Variants in PCDHGC4 observed in about 807,000 individuals in gnomAD.
PCDHGC4 encodes protocadherin gamma-C4.
A neutral mutation model predicts 59.7 loss-of-function variants in PCDHGC4; 15 were observed. The ratio of observed to expected loss-of-function variants is 0.25; its 90% CI spans 0.17 to 0.39. PCDHGC4 has a LOEUF of 0.39. Ranked by LOEUF, PCDHGC4 falls within the 10% of genes least tolerant of loss-of-function variation. The pLI is 1.00. For missense variants in PCDHGC4, 1,016 were observed against 1,189.5 expected, an observed-to-expected ratio of 0.85 and a Z score of 2.15; for synonymous variants, 434 against 481.4, an observed-to-expected ratio of 0.90 and a Z score of 1.29.
Position 141,510,982 on chromosome 5 carries a change from G to A in PCDHGC4, c.2626G>A (p.Ala876Thr). The A allele has an allele frequency of 3.1e-6, 5 of 1,614,166 alleles. No homozygotes were observed. Among genetic ancestry groups the A allele is most frequent in the Non-Finnish European group, 3.4e-6 (4 of 1,180,018 alleles). Reference protein sequence around the residue: ...ADGSSTLGGGAGTMGLSARYG... With the variant: ...ADGSSTLGGGTGTMGLSARYG... Reference sequence around the variant, plus strand: ...TGGGAGCTCCACCCTGGGAGGGGGTGCCGGCACCATGGGATTGAGCGCCCG... The same window carrying A: ...TGGGAGCTCCACCCTGGGAGGGGGTACCGGCACCATGGGATTGAGCGCCCG... The change falls in exon 4 of 4, where the codon GCC (alanine) becomes ACC (threonine). Residue 876 changes from alanine to threonine, a missense_variant. Coordinates refer to ENST00000306593, the MANE Select transcript of PCDHGC4 (RefSeq NM_018928.3).
Position 141,491,405 on chromosome 5 carries a change from A to C in PCDHGC4, c.2443-3402A>C. 6.2e-7 allele frequency: 1 copy of C among 1,614,096 alleles called. No individual in the cohort carries two copies. Among genetic ancestry groups the C allele is most frequent in the Non-Finnish European group, 8.5e-7 (1 of 1,179,998 alleles). On this transcript the variant is annotated intron_variant, in intron 1 of 3. Coordinates refer to ENST00000306593, the MANE Select transcript of PCDHGC4 (RefSeq NM_018928.3). This position sits in a 1 kb window ranked among gnomAD's most constrained non-coding sequence, Gnocchi z 6.9. ...GCGAAGTGCCTTCAGGGAAACGCAG[A>C]CGGGGACGGGGGTGGAGGGCAGTGC... is the stretch of plus-strand genomic sequence containing the variant.
At chr5:141,510,653 T>G (rs1388568365) in intron 3 of PCDHGC4, among the ~76,000 whole-genome samples, 1 of 152,184 alleles carries the variant, frequency 6.6e-6, no homozygotes, top group Non-Finnish European at 1.5e-5. Context: ...ATCCCCATTT[T>G]GCAGATGAGA....
At chr5:141,492,256 A>G (rs1323720621) in intron 1 of PCDHGC4, among the ~76,000 whole-genome samples, 1 of 151,974 alleles carries the variant, frequency 6.6e-6, no homozygotes, top group Non-Finnish European at 1.5e-5. Context: ...CGGCCCACAC[A>G]AGTTGCACGG....
chr5:141,489,096 ACT>A lies in PCDHGC4; in HGVS notation c.2442+1482_2442+1483del. The A allele has an allele frequency of 2.0e-6, 1 of 494,278 alleles. No individual in the cohort carries two copies. The allele number at this position is 494,278 out of a possible 1,614,324, so 30.6% of individuals were successfully genotyped here. A position where few individuals can be genotyped will look rare whatever the true frequency, so the allele number is the denominator to read the frequency against. ...CACCCCCGCCACTCGGTGACTAAGA[ACT>A]GCTGCAAGCAGGCAAACCTCCGAGC... On this transcript the variant is annotated intron_variant, in intron 1 of 3. Coordinates refer to ENST00000306593, the MANE Select transcript of PCDHGC4 (RefSeq NM_018928.3). The surrounding 1 kb of genome is among the most constrained non-coding windows in gnomAD (Gnocchi z 4.5).
chr5:141,508,723 G>A (rs941469412), intron 3 of PCDHGC4, among the ~76,000 whole-genome samples: 2 of 151,814 alleles, frequency 1.3e-5, no homozygotes, highest in African/African-American at 4.8e-5. Context: ...TGTGTGCAGG[G>A]AGACTACACC....
rs772328241 is a variant in PCDHGC4 at position 141,491,340 on chromosome 5, C to A, written c.2443-3467C>A. On this transcript the variant is annotated intron_variant, in intron 1 of 3. Coordinates refer to ENST00000306593, the MANE Select transcript of PCDHGC4 (RefSeq NM_018928.3). The surrounding 1 kb of genome is among the most constrained non-coding windows in gnomAD (Gnocchi z 6.9). ...TTTACCTCATTGTGGCTCTAGCGACCGTCAGTCTCTTATCCCTAGTCACCT... is the reference window on the plus strand; with the variant it reads ...TTTACCTCATTGTGGCTCTAGCGACAGTCAGTCTCTTATCCCTAGTCACCT... 4.3e-6 allele frequency: 7 copies of A among 1,614,146 alleles called. No homozygotes were observed. Among genetic ancestry groups the A allele is most frequent in the Non-Finnish European group, 5.9e-6 (7 of 1,180,014 alleles).
At chr5:141,500,840 C>G (rs1394248251) in intron 2 of PCDHGC4, among the ~76,000 whole-genome samples, 1 of 151,966 alleles carries the variant, frequency 6.6e-6, no homozygotes, top group Non-Finnish European at 1.5e-5. Context: ...TGCTAATGGG[C>G]TTTTGCTACA....
chr5:141,499,150 T>C (rs1424635509), intron 2 of PCDHGC4, among the ~76,000 whole-genome samples: 5 of 152,180 alleles, frequency 3.3e-5, no homozygotes, highest in Non-Finnish European at 1.5e-5. Context: ...CTGATCCCAA[T>C]AGCTGTTGTC....
Position 141,486,677 on chromosome 5 carries a change from G to A in PCDHGC4, c.1504G>A (p.Val502Ile), listed in dbSNP as rs755512470. ...ACTCCTGGAGCCCAGGAATCGAGATGTATCAGCTTCCTCTTTCATCTCTCT... is the reference window on the plus strand; with the variant it reads ...ACTCCTGGAGCCCAGGAATCGAGATATATCAGCTTCCTCTTTCATCTCTCT... Reference protein sequence around the residue: ...YSLLEPRNRDVSASSFISLNP... With the variant: ...YSLLEPRNRDISASSFISLNP... The change falls in exon 1 of 4, where the codon GTA becomes ATA. Residue 502 changes from valine (V) to isoleucine (I), a missense_variant. Transcript: ENST00000306593. This position sits in a 1 kb window ranked among gnomAD's most constrained non-coding sequence, Gnocchi z 5.0. The A allele has an allele frequency of 3.7e-6, 6 of 1,614,060 alleles. No individual in the cohort carries two copies. Among genetic ancestry groups the A allele is most frequent in the Middle Eastern group, 1.6e-4 (1 of 6,062 alleles).
In PCDHGC4 at chr5:141,490,113, C is replaced by G. The variant is rs2099696295; in HGVS notation, c.2442+2498C>G. Reference sequence around the variant, plus strand: ...ACCACACATCTGAGGCAGTGCGGAACCTCTTTGGCCTAGACCCTAGCAGTG... The same window carrying G: ...ACCACACATCTGAGGCAGTGCGGAAGCTCTTTGGCCTAGACCCTAGCAGTG... On this transcript the variant is annotated intron_variant, in intron 1 of 3. Transcript: ENST00000306593. This position sits in a 1 kb window ranked among gnomAD's most constrained non-coding sequence, Gnocchi z 5.4. 1 of 1,614,258 alleles carries G rather than the reference C, an allele frequency of 6.2e-7. No individual in the cohort carries two copies.
At position 141,487,769 on chromosome 5, in the gene PCDHGC4, T is replaced by C. The variant is rs775270506; in HGVS notation, c.2442+154T>C. Reference sequence around the variant, plus strand: ...TAACTATGTGGTAGACGCTGTGCTTTGTAACTGTTTCGTGAATTAACCAGA... The same window carrying C: ...TAACTATGTGGTAGACGCTGTGCTTCGTAACTGTTTCGTGAATTAACCAGA... On this transcript the variant is annotated intron_variant, in intron 1 of 3. Transcript: ENST00000306593. The surrounding 1 kb of genome is among the most constrained non-coding windows in gnomAD (Gnocchi z 5.0). 8 of 1,538,288 alleles carry C rather than the reference T, an allele frequency of 5.2e-6. No homozygotes were observed. The highest frequency in any genetic ancestry group is 1.2e-5 in the South Asian group (1 of 82,608).
chr5:141,489,151 A>G lies in PCDHGC4; in HGVS notation c.2442+1536A>G. On this transcript the variant is annotated intron_variant, in intron 1 of 3. Transcript: ENST00000306593. This position sits in a 1 kb window ranked among gnomAD's most constrained non-coding sequence, Gnocchi z 4.5. ...TTTTTAAGAGGCTGGAAGGAGACAT[A>G]AGAGACTTCAGCTGCTGCATTCCAA... is the stretch of plus-strand genomic sequence containing the variant. The G allele has an allele frequency of 4.3e-6, 4 of 932,968 alleles. No individual in the cohort carries two copies. Among genetic ancestry groups the G allele is most frequent in the Non-Finnish European group, 6.4e-6 (4 of 622,052 alleles). 57.8% of individuals were successfully genotyped at this position (932,968 alleles called of 1,614,324 possible).
intron 2 of PCDHGC4, among the ~76,000 whole-genome samples, chr5:141,495,094 C>T (rs1470702358): frequency 6.6e-6 from 1 of 152,156 alleles, no homozygotes; most frequent in African/African-American, 2.4e-5. Flanking sequence ...CTTCCCTCCT[C>T]GCCACGACCG....
At position 141,485,971 on chromosome 5, in the gene PCDHGC4, C is replaced by T; in HGVS notation, c.798C>T (p.Ala266=). Residue 266 remains alanine, a synonymous_variant, in exon 1 of 4, where the codon GCC becomes GCT. Transcript: ENST00000306593. This position sits in a 1 kb window ranked among gnomAD's most constrained non-coding sequence, Gnocchi z 5.7. Reference sequence around the variant, plus strand: ...GCATGGTGCTCATCCAGCTCAATGCCTCAGACCCGGACCTGGGTCCCAGTG... The same window carrying T: ...GCATGGTGCTCATCCAGCTCAATGCTTCAGACCCGGACCTGGGTCCCAGTG... The part of the protein sequence containing the change: ...PAGMVLIQLN[A]SDPDLGPSGN... The T allele has an allele frequency of 6.2e-7, 1 of 1,614,196 alleles. No individual in the cohort carries two copies. The highest frequency in any genetic ancestry group is 8.5e-7 in the Non-Finnish European group (1 of 1,180,042).
In PCDHGC4 at chr5:141,487,439, T is replaced by C. The variant is rs201458212; in HGVS notation, c.2266T>C (p.Ser756Pro). 1 of 1,613,926 alleles carries C rather than the reference T, an allele frequency of 6.2e-7. No individual in the cohort carries two copies. Among genetic ancestry groups the C allele is most frequent in the South Asian group, 1.1e-5 (1 of 91,066 alleles). ...SNGILRIQLGSDDPIKFVDVG... is the reference protein window; with the variant it reads ...SNGILRIQLGPDDPIKFVDVG... ...TGGGATCCTCCGAATCCAGCTAGGG[T>C]CAGATGACCCTATCAAGTTTGTTGA... is the stretch of plus-strand genomic sequence containing the variant. Residue 756 changes from serine to proline, a missense_variant, in exon 1 of 4, where the codon TCA becomes CCA. Ser to Pro is a moderately conservative substitution (Grantham distance 74). Transcript: ENST00000306593. This position sits in a 1 kb window ranked among gnomAD's most constrained non-coding sequence, Gnocchi z 5.0.
chr5:141,487,812 T>A lies in PCDHGC4; in HGVS notation c.2442+197T>A. ...TAACCAGAGTTGTCACAGTTTAGCA[T>A]TGGGGGCGGGTCATGCCTATATCTG... On this transcript the variant is annotated intron_variant, in intron 1 of 3. Coordinates refer to ENST00000306593, the MANE Select transcript of PCDHGC4 (RefSeq NM_018928.3). The surrounding 1 kb of genome is among the most constrained non-coding windows in gnomAD (Gnocchi z 5.0). 1 of 1,408,206 alleles carries A rather than the reference T, an allele frequency of 7.1e-7. No individual in the cohort carries two copies. The highest frequency in any genetic ancestry group is 9.7e-7 in the Non-Finnish European group (1 of 1,036,248). 87.2% of individuals were successfully genotyped at this position (1,408,206 alleles called of 1,614,324 possible). A position where few individuals can be genotyped will look rare whatever the true frequency, so the allele number is the denominator to read the frequency against.
At chr5:141,488,705 G>C (rs1024064135) in intron 1 of PCDHGC4, among the ~76,000 whole-genome samples, 8 of 152,200 alleles carry the variant, frequency 5.3e-5, no homozygotes, top group Non-Finnish European at 1.2e-4. Context: ...AGATTTTGCT[G>C]GTTCAAGCAA....
intron 2 of PCDHGC4, among the ~76,000 whole-genome samples, chr5:141,497,603 G>A (rs1045138662): frequency 3.3e-5 from 5 of 149,832 alleles, no homozygotes; most frequent in Non-Finnish European, 7.4e-5. Context: ...GCAGTGGTGC[G>A]ATCTTGGCTC....
At chr5:141,492,447 T>G (rs920078908) in intron 1 of PCDHGC4, among the ~76,000 whole-genome samples, 13 of 152,300 alleles carry the variant, frequency 8.5e-5, no homozygotes, top group Middle Eastern at 3.4e-3. Context: ...CGTAGCTGAT[T>G]GTGCGCGCCT....
Sources: gnomAD v4.1 joint callset for allele counts (sites outside exome capture counted in the v4.1 genomes callset) on GRCh38, gnomAD v4.1.1 for gene constraint, Gnocchi (gnomAD v3.1) non-coding constraint, MANE v1.5 for transcripts, NCBI Gene and HGNC (gene_info 2026-07-23, HGNC 2026-07-21) for gene names.